Variants in COL4A5 observed in about 807,000 individuals in gnomAD.
COL4A5 encodes the protein collagen alpha-5(IV) chain.
A neutral mutation model predicts 130.2 loss-of-function variants in COL4A5; 26 were observed. The ratio of observed to expected loss-of-function variants is 0.20; its 90% CI spans 0.15 to 0.28. The LOEUF is 0.28. Among genes scored for constraint, COL4A5 ranks in the 10% least tolerant of loss-of-function variants. COL4A5 has a pLI of 1.00. For synonymous variants in COL4A5, 496 were observed against 439.6 expected, an observed-to-expected ratio of 1.13 and a Z score of -1.60; for missense variants, 1,131 against 1,344.3, an observed-to-expected ratio of 0.84 and a Z score of 2.48.
intron 1 of COL4A5, among the ~76,000 whole-genome samples, chrX:108,466,703 G>T (rs1179570562): frequency 9.1e-6 from 1 of 110,099 alleles, no homozygotes; most frequent in Non-Finnish European, 1.9e-5. Flanking sequence ...GGGCTCAAGT[G>T]ATCTTCCCAT....
intron 36 of COL4A5, among the ~76,000 whole-genome samples, chrX:108,645,388 T>C (rs2067559428): frequency 9.0e-6 from 1 of 111,025 alleles, no homozygotes; most frequent in Non-Finnish European, 1.9e-5. Context: ...ACAGGAGATA[T>C]TACAACTGAC....
chrX:108,468,765 A>G, intron 1 of COL4A5, among the ~76,000 whole-genome samples: 1 of 108,335 alleles, frequency 9.2e-6, no homozygotes, highest in East Asian at 2.9e-4. Flanking sequence ...GTTTGCTAGC[A>G]TCTGTTGAGG....
chrX:108,568,840 A>C lies in COL4A5; in HGVS notation c.384+19A>C, dbSNP rs1288216481. 1 of 1,171,899 alleles carries C rather than the reference A, an allele frequency of 8.5e-7. No individual in the cohort carries two copies. Among genetic ancestry groups the C allele is most frequent in the Non-Finnish European group, 1.2e-6 (1 of 860,519 alleles). On this transcript the variant is annotated intron_variant, in intron 6 of 52. Coordinates refer to ENST00000328300, the MANE Select transcript of COL4A5 (RefSeq NM_033380.3). Reference sequence around the variant, plus strand: ...AACCAAGGTGAGATCCATCCATTTAATCTTGGGTAGTATACTTGACAATAA... The same window carrying C: ...AACCAAGGTGAGATCCATCCATTTACTCTTGGGTAGTATACTTGACAATAA...
chrX:108,492,195 TC>T (rs2064998957), intron 1 of COL4A5, among the ~76,000 whole-genome samples: 1 of 111,453 alleles, frequency 9.0e-6, no homozygotes, highest in South Asian at 3.7e-4. Context: ...ATAGTAAACT[TC>T]CTGGCTGAGT....
chrX:108,568,705 C>A (rs770745345), intron 5 of COL4A5, 32 bp downstream of exon 5: 1 of 1,198,857 alleles, frequency 8.3e-7, no homozygotes, highest in South Asian at 1.8e-5. Context: ...ACTTTGAAAT[C>A]TCTTGAAAAG....
At chrX:108,660,695 T>A (rs1175913312) in intron 37 of COL4A5, among the ~76,000 whole-genome samples, 1 of 111,938 alleles carries the variant, frequency 8.9e-6, no homozygotes, top group Non-Finnish European at 1.9e-5. Flanking sequence ...ATAGTTTCTT[T>A]TTGTTGTGGT....
In COL4A5 at chrX:108,686,060, C is replaced by T. The variant is rs104886270; in HGVS notation, c.4246C>T (p.Arg1416Cys). Residue 1416 changes from arginine to cysteine, a missense_variant, in exon 48 of 53, where the codon CGC becomes TGC. Coordinates refer to ENST00000328300, the MANE Select transcript of COL4A5 (RefSeq NM_033380.3). ...GPTGPPGDPG[R>C]NGLPGFDGAG... ...AACTGGCCCTCCAGGAGATCCTGGA[C>T]GCAATGGACTCCCTGGCTTTGATGG... 5.1e-5 allele frequency: 62 copies of T among 1,208,887 alleles called. No individual in the cohort carries two copies. Among genetic ancestry groups the T allele is most frequent in the African/African-American group, 8.8e-5 (5 of 57,075 alleles).
intron 36 of COL4A5, among the ~76,000 whole-genome samples, chrX:108,629,623 G>T (rs1294764781): frequency 9.0e-6 from 1 of 111,568 alleles, no homozygotes; most frequent in Non-Finnish European, 1.9e-5. Flanking sequence ...AGCAGGTTTA[G>T]TGAGAAAGAT....
At chrX:108,635,718 A>G (rs999372429) in intron 36 of COL4A5, among the ~76,000 whole-genome samples, 4 of 112,158 alleles carry the variant, frequency 3.6e-5, no homozygotes, top group African/African-American at 1.3e-4. Context: ...GATGGAATAG[A>G]TAGAGTCCAG....
At chrX:108,643,841 G>A (rs925748077) in intron 36 of COL4A5, among the ~76,000 whole-genome samples, 1 of 111,585 alleles carries the variant, frequency 9.0e-6, no homozygotes, top group African/African-American at 3.3e-5. Context: ...AAAATACCAA[G>A]GTACGCAGGC....
intron 2 of COL4A5, among the ~76,000 whole-genome samples, chrX:108,547,849 G>T (rs898385860): frequency 9.0e-6 from 1 of 111,619 alleles, no homozygotes; most frequent in South Asian, 3.8e-4. Flanking sequence ...CTTGCAGTTC[G>T]ATCTCAGACT....
chrX:108,527,225 C>T (rs1172485514), intron 1 of COL4A5, among the ~76,000 whole-genome samples: 3 of 111,639 alleles, frequency 2.7e-5, no homozygotes, highest in Non-Finnish European at 5.6e-5. Context: ...ATCACTTTCT[C>T]TGTCTGCCTC....
intron 29 of COL4A5, among the ~76,000 whole-genome samples, chrX:108,614,000 A>G (rs1286237328): frequency 8.9e-6 from 1 of 111,882 alleles, no homozygotes; most frequent in African/African-American, 3.2e-5. Context: ...ATTCATAATC[A>G]CCAATAATTG....
At chrX:108,683,040 A>C (rs1227526139) in intron 47 of COL4A5, among the ~76,000 whole-genome samples, 1 of 112,158 alleles carries the variant, frequency 8.9e-6, no homozygotes, top group Non-Finnish European at 1.9e-5. Flanking sequence ...CTTACATTTA[A>C]GTCTTTAACT....
intron 1 of COL4A5, among the ~76,000 whole-genome samples, chrX:108,464,468 A>G (rs1212214819): frequency 8.9e-6 from 1 of 112,068 alleles, no homozygotes; most frequent in South Asian, 3.7e-4. Context: ...ATCTGCAACT[A>G]TAGGGAAGAA....
chrX:108,672,109 C>T (rs941086355), intron 42 of COL4A5, among the ~76,000 whole-genome samples: 1 of 111,876 alleles, frequency 8.9e-6, no homozygotes, highest in South Asian at 3.7e-4. Context: ...TCAAAAGCTC[C>T]GTCAACACCT....
chrX:108,667,264 C>G, intron 40 of COL4A5, 81 bp downstream of exon 40: 1 of 915,018 alleles, frequency 1.1e-6, no homozygotes, highest in Non-Finnish European at 1.6e-6. Flanking sequence ...CCATCTCCAC[C>G]TTTTACTATC....
At chrX:108,577,372 CA>C (rs746311921) in intron 10 of COL4A5, among the ~76,000 whole-genome samples, 742 of 29,906 alleles carry the variant, frequency 0.025, 3 homozygotes, top group East Asian at 0.079. Context: ...AACTCCTTCT[CA>C]AAAAAAAAAA....
At chrX:108,574,694 G>C (rs753673913) in intron 9 of COL4A5, among the ~76,000 whole-genome samples, 1 of 111,971 alleles carries the variant, frequency 8.9e-6, no homozygotes, top group East Asian at 2.8e-4. Context: ...CATATTATTG[G>C]ATATGGCTTT....
Sources: gnomAD v4.1 joint callset for allele counts (sites outside exome capture counted in the v4.1 genomes callset) on GRCh38, gnomAD v4.1.1 for gene constraint, MANE v1.5 for transcripts, NCBI Gene and HGNC (gene_info 2026-07-23, HGNC 2026-07-21) for gene names.